C1orf21: variants seen among roughly 807,000 people sequenced by gnomAD.
The protein encoded by C1orf21 is uncharacterized protein C1orf21.
Under a neutral mutation model 18.7 loss-of-function variants are expected in C1orf21, and 3 were observed. That is an observed-to-expected ratio of 0.16 (90% CI 0.07 to 0.42). C1orf21 has a LOEUF of 0.42. C1orf21 is among the 10% of genes least tolerant of loss of function. The pLI is 0.99. For synonymous variants in C1orf21, 41 were observed against 46.4 expected, an observed-to-expected ratio of 0.88 and a Z score of 0.47; for missense variants, 104 against 143.6, an observed-to-expected ratio of 0.72 and a Z score of 1.41.
chr1:184,497,810 T>A (rs1356745166), intron 2 of C1orf21, among the ~76,000 whole-genome samples: 1 of 152,124 alleles, frequency 6.6e-6, no homozygotes, highest in Non-Finnish European at 1.5e-5. Flanking sequence ...CCCAGAGACA[T>A]ACGAAAAGAA....
intron 3 of C1orf21, among the ~76,000 whole-genome samples, chr1:184,577,971 TGAGACA>T (rs1237246820): frequency 6.9e-6 from 1 of 144,540 alleles, no homozygotes; most frequent in Non-Finnish European, 1.5e-5. Context: ...TTTTTTTTTT[TGAGACA>T]GAGTCTCACA....
intron 3 of C1orf21, among the ~76,000 whole-genome samples, chr1:184,563,149 T>G (rs557196537): frequency 6.6e-6 from 1 of 152,366 alleles, no homozygotes; most frequent in African/African-American, 2.4e-5. Context: ...TTAGAGATTC[T>G]GTTAACTACT....
At chr1:184,537,471 T>C (rs1658575283) in intron 3 of C1orf21, among the ~76,000 whole-genome samples, 1 of 152,172 alleles carries the variant, frequency 6.6e-6, no homozygotes, top group Non-Finnish European at 1.5e-5. Context: ...CAAAATTTCC[T>C]CTTTAGCTTC....
Position 184,527,736 on chromosome 1 carries a change from T to C in C1orf21, c.189+20054T>C. 1.3e-5 allele frequency among the ~76,000 whole-genome samples: 2 copies of C among 152,194 alleles called. 1 individual carries two copies. Among genetic ancestry groups the C allele is most frequent in the South Asian group, 4.1e-4 (2 of 4,822 alleles). On this transcript the variant is annotated intron_variant, in intron 3 of 5. Transcript: ENST00000235307. Reference sequence around the variant, plus strand: ...ATATAGGCCCTGTCACTTACTAGCATGTTACCTAACCTCTCTGAGCCCAAC... The same window carrying C: ...ATATAGGCCCTGTCACTTACTAGCACGTTACCTAACCTCTCTGAGCCCAAC...
chr1:184,476,140 A>C (rs1039213450), intron 1 of C1orf21, among the ~76,000 whole-genome samples: 2 of 152,148 alleles, frequency 1.3e-5, no homozygotes, highest in African/African-American at 4.8e-5. Flanking sequence ...TAAATGATTA[A>C]ATTTCTACAT....
At chr1:184,598,556 A>C (rs1204996981) in intron 5 of C1orf21, 95 bp downstream of exon 5, 2 of 1,235,054 alleles carry the variant, frequency 1.6e-6, no homozygotes, top group Non-Finnish European at 2.3e-6. Flanking sequence ...TATGTCATAA[A>C]GCTATTTTTG....
Position 184,477,560 on chromosome 1 carries a change from A to G in C1orf21, c.51A>G (p.Glu17=), listed in dbSNP as rs1224298965. The stretch of plus-strand genomic sequence containing the variant: ...TTGCCACTGTTCAAAATGAAGAGGA[A>G]GCCCAGAAAGGGAAAAACTACCAGA... ...KHVATVQNEE[E]AQKGKNYQNG... The change falls in exon 2 of 6, where the codon GAA becomes GAG. Residue 17 remains glutamate, a synonymous_variant. Transcript: ENST00000235307. 3 of 1,613,954 alleles carry G rather than the reference A, an allele frequency of 1.9e-6. No individual in the cohort carries two copies. Among genetic ancestry groups the G allele is most frequent in the Non-Finnish European group, 2.5e-6 (3 of 1,179,950 alleles).
intron 2 of C1orf21, among the ~76,000 whole-genome samples, chr1:184,487,822 G>A (rs1657755184): frequency 6.6e-6 from 1 of 152,168 alleles, no homozygotes; most frequent in Non-Finnish European, 1.5e-5. Flanking sequence ...CATCTGTGTA[G>A]TGTGGGGAAT....
chr1:184,477,474 G>A lies in C1orf21; in HGVS notation c.-36G>A. ...GTCCCTGTGTCTGTAGAGATGATTTGCAGTTCAGCCCGGCTGAAGCTGACC... is the reference window on the plus strand; with the variant it reads ...GTCCCTGTGTCTGTAGAGATGATTTACAGTTCAGCCCGGCTGAAGCTGACC... On this transcript the variant is annotated 5_prime_UTR_variant, in exon 2 of 6. Transcript: ENST00000235307. The A allele has an allele frequency of 1.3e-6, 2 of 1,555,790 alleles. No homozygotes were observed. Among genetic ancestry groups the A allele is most frequent in the Non-Finnish European group, 1.8e-6 (2 of 1,133,500 alleles).
At chr1:184,436,395 C>T (rs903349761) in intron 1 of C1orf21, among the ~76,000 whole-genome samples, 9 of 152,028 alleles carry the variant, frequency 5.9e-5, no homozygotes, top group South Asian at 2.1e-4. Context: ...GGAGAGTGGA[C>T]GGTGTACCTG....
At chr1:184,569,558 A>C (rs1659080531) in intron 3 of C1orf21, among the ~76,000 whole-genome samples, 1 of 152,186 alleles carries the variant, frequency 6.6e-6, no homozygotes, top group South Asian at 2.1e-4. Context: ...TGGAGGAAAA[A>C]ATAAAATTAA....
intron 2 of C1orf21, among the ~76,000 whole-genome samples, chr1:184,506,477 A>G (rs773258152): frequency 2.6e-5 from 4 of 152,216 alleles, no homozygotes; most frequent in Non-Finnish European, 4.4e-5. Flanking sequence ...ATAGTTAATA[A>G]GAAAATATAT....
chr1:184,491,383 C>T (rs1453760552), intron 2 of C1orf21, among the ~76,000 whole-genome samples: 1 of 150,542 alleles, frequency 6.6e-6, no homozygotes. Flanking sequence ...CTGTCTCACT[C>T]TGGTTGCCCA....
intron 2 of C1orf21, among the ~76,000 whole-genome samples, chr1:184,499,452 G>C (rs889341417): frequency 1.3e-5 from 2 of 152,100 alleles, no homozygotes; most frequent in Non-Finnish European, 2.9e-5. Context: ...GTAGCACAGG[G>C]CTGGTATTCT....
chr1:184,446,632 A>G (rs1657033786), intron 1 of C1orf21, among the ~76,000 whole-genome samples: 1 of 152,118 alleles, frequency 6.6e-6, no homozygotes, highest in Non-Finnish European at 1.5e-5. Flanking sequence ...CAGACGTGTA[A>G]TGGATACCTA....
intron 2 of C1orf21, among the ~76,000 whole-genome samples, chr1:184,489,751 A>G (rs1657789698): frequency 6.6e-6 from 1 of 152,198 alleles, no homozygotes; most frequent in African/African-American, 2.4e-5. Context: ...TATGCAGCAT[A>G]TCTTGTTTGT....
chr1:184,450,982 A>G (rs957789941), intron 1 of C1orf21, among the ~76,000 whole-genome samples: 6 of 152,116 alleles, frequency 3.9e-5, no homozygotes, highest in Non-Finnish European at 8.8e-5. Context: ...GGTTCAAGCG[A>G]TTCTCCAACC....
chr1:184,460,647 T>TG (rs1657290835), intron 1 of C1orf21, among the ~76,000 whole-genome samples: 1 of 147,356 alleles, frequency 6.8e-6, no homozygotes, highest in Non-Finnish European at 1.5e-5. Flanking sequence ...CTTCTTCTTC[T>TG]TCTTCTTCTT....
intron 3 of C1orf21, among the ~76,000 whole-genome samples, chr1:184,541,445 A>T (rs1016822207): frequency 2.0e-5 from 3 of 152,202 alleles, no homozygotes; most frequent in Admixed American, 2.0e-4. Flanking sequence ...CCACCCCAGC[A>T]CACAGAATTA....
Sources: gnomAD v4.1 joint callset for allele counts (sites outside exome capture counted in the v4.1 genomes callset) on GRCh38, gnomAD v4.1.1 for gene constraint, MANE v1.5 for transcripts, NCBI Gene and HGNC (gene_info 2026-07-23, HGNC 2026-07-21) for gene names.